The following CDH13 variants were observed in gnomAD, a reference collection of about 807,000 sequenced individuals.
CDH13 encodes the protein cadherin-13.
Under a neutral mutation model 63.8 loss-of-function variants are expected in CDH13, and 24 were observed. The observed-to-expected ratio is 0.38, with a 90% CI of 0.27 to 0.53. The LOEUF is 0.53. CDH13 is among the 20% of genes least tolerant of loss of function. The pLI is 0.85. For synonymous variants in CDH13, 503 were observed against 355.3 expected (o/e 1.42, Z -4.67); for missense variants, 1,049 against 903.1 (o/e 1.16, Z -2.07).
At chr16:83,271,263 C>T (rs528020480) in intron 5 of CDH13, among the ~76,000 whole-genome samples, 2 of 151,028 alleles carry the variant, frequency 1.3e-5, no homozygotes, top group Non-Finnish European at 2.9e-5. Flanking sequence ...CTAAAACTTG[C>T]TCATCTTCTT....
intron 8 of CDH13, among the ~76,000 whole-genome samples, chr16:83,636,145 A>G (rs1304504911): frequency 2.0e-5 from 3 of 150,786 alleles, no homozygotes; most frequent in Admixed American, 6.6e-5. Context: ...GTGCAGGTCT[A>G]TTCCGTGTCC....
chr16:83,280,527 C>G (rs1009361615), intron 5 of CDH13, among the ~76,000 whole-genome samples: 1 of 152,212 alleles, frequency 6.6e-6, no homozygotes, highest in Non-Finnish European at 1.5e-5. Flanking sequence ...GGGTTGGAAT[C>G]AACTTCTTCC....
chr16:83,150,740 G>T (rs1183528554), intron 4 of CDH13, among the ~76,000 whole-genome samples: 1 of 152,132 alleles, frequency 6.6e-6, no homozygotes, highest in African/African-American at 2.4e-5. Context: ...TCCCATTTCT[G>T]TAAGACAGAT....
At chr16:83,011,737 C>G (rs76819578) in intron 2 of CDH13, among the ~76,000 whole-genome samples, 4,637 of 152,234 alleles carry the variant, frequency 0.03, 102 homozygotes, top group Non-Finnish European at 0.045. Flanking sequence ...CCCAGTTAAG[C>G]TTTCATTTTC....
At chr16:82,927,989 A>G (rs1347897703) in intron 2 of CDH13, among the ~76,000 whole-genome samples, 1 of 152,162 alleles carries the variant, frequency 6.6e-6, no homozygotes, top group Non-Finnish European at 1.5e-5. Flanking sequence ...AATAATTTAC[A>G]TTTAGTAGCT....
intron 10 of CDH13, among the ~76,000 whole-genome samples, chr16:83,734,150 A>T (rs1911306226): frequency 6.6e-6 from 1 of 152,196 alleles, no homozygotes; most frequent in African/African-American, 2.4e-5. Flanking sequence ...AGCACAAAAA[A>T]GCAACTTACC....
rs1453771390 is a variant in CDH13 at position 83,202,535 on chromosome 16, CA to C, written c.484-14809del. On this transcript the variant is annotated intron_variant, in intron 4 of 13. Coordinates refer to ENST00000567109, the MANE Select transcript of CDH13 (RefSeq NM_001257.5). ...CCTTCCAATGAAGGCACATGCAAGG[CA>C]GAACAGAATGTCAGGATTTCGGATG... Among the ~76,000 whole-genome samples, 4 of 152,200 alleles carry C rather than the reference CA, an allele frequency of 2.6e-5. No homozygotes were observed. In the East Asian group the frequency reaches 7.7e-4, roughly 29 times the overall value.
intron 10 of CDH13, among the ~76,000 whole-genome samples, chr16:83,698,372 A>C (rs1184604679): frequency 6.6e-6 from 1 of 152,204 alleles, no homozygotes; most frequent in East Asian, 1.9e-4. Flanking sequence ...AAAAAGATAC[A>C]AGAAACTGCT....
At chr16:82,795,248 T>C (rs1197748418) in intron 1 of CDH13, among the ~76,000 whole-genome samples, 2 of 152,206 alleles carry the variant, frequency 1.3e-5, no homozygotes, top group Non-Finnish European at 2.9e-5. Context: ...CCAATGGACA[T>C]GGACAGTTGT....
At chr16:83,326,387 G>A (rs1387025859) in intron 5 of CDH13, among the ~76,000 whole-genome samples, 5 of 148,924 alleles carry the variant, frequency 3.4e-5, no homozygotes, top group African/African-American at 1.2e-4. Context: ...AAACATCATT[G>A]TCCTAATGAT....
At chr16:83,303,527 T>C (rs1455955819) in intron 5 of CDH13, among the ~76,000 whole-genome samples, 1 of 152,180 alleles carries the variant, frequency 6.6e-6, no homozygotes, top group Admixed American at 6.5e-5. Flanking sequence ...AGGTGTGATG[T>C]TTAATTTCCA....
chr16:83,007,016 C>T (rs1461359068), intron 2 of CDH13, among the ~76,000 whole-genome samples: 2 of 151,906 alleles, frequency 1.3e-5, no homozygotes, highest in African/African-American at 4.8e-5. Flanking sequence ...CTCTGCCTCC[C>T]GGGCTCAGGC....
intron 10 of CDH13, among the ~76,000 whole-genome samples, chr16:83,716,774 A>C (rs1169115427): frequency 6.6e-6 from 1 of 151,994 alleles, no homozygotes; most frequent in Non-Finnish European, 1.5e-5. Context: ...GAGCCACCGC[A>C]CCCGCCCTGG....
At chr16:82,759,041 G>A (rs1195313139) in intron 1 of CDH13, among the ~76,000 whole-genome samples, 2 of 152,102 alleles carry the variant, frequency 1.3e-5, no homozygotes, top group Non-Finnish European at 1.5e-5. Context: ...CTCAGCATTG[G>A]GGGCTTATTA....
chr16:82,866,339 T>C (rs923216977), intron 2 of CDH13, among the ~76,000 whole-genome samples: 1 of 151,230 alleles, frequency 6.6e-6, no homozygotes, highest in Non-Finnish European at 1.5e-5. Flanking sequence ...CTGGTACCAA[T>C]TTACTGTATT....
chr16:83,505,211 A>G (rs59162173), intron 7 of CDH13, among the ~76,000 whole-genome samples: 2,637 of 152,230 alleles, frequency 0.017, 64 homozygotes, highest in African/African-American at 0.058. Context: ...TTCCCCTCCC[A>G]TTGTACCCAG....
chr16:83,252,140 A>ATACG (rs1905643308), intron 5 of CDH13, among the ~76,000 whole-genome samples: 3 of 98,922 alleles, frequency 3.0e-5, no homozygotes, highest in Admixed American at 2.7e-4. Flanking sequence ...ATATATATGT[A>ATACG]TATATATATA....
At chr16:82,977,870 C>T (rs1289086586) in intron 2 of CDH13, among the ~76,000 whole-genome samples, 1 of 152,110 alleles carries the variant, frequency 6.6e-6, no homozygotes, top group African/African-American at 2.4e-5. Context: ...CTGGAAGGCT[C>T]AGAAGACAGG....
intron 1 of CDH13, among the ~76,000 whole-genome samples, chr16:82,784,162 C>T (rs1250637166): frequency 6.6e-6 from 1 of 152,136 alleles, no homozygotes; most frequent in Non-Finnish European, 1.5e-5. Context: ...TCCTGCTTAC[C>T]CAACAGCTCT....
Sources: gnomAD v4.1 joint callset for allele counts (sites outside exome capture counted in the v4.1 genomes callset) on GRCh38, gnomAD v4.1.1 for gene constraint, MANE v1.5 for transcripts, NCBI Gene and HGNC (gene_info 2026-07-23, HGNC 2026-07-21) for gene names.